Variants in WDHD1 observed in about 807,000 individuals in gnomAD.
WDHD1 encodes WD repeat and HMG-box DNA-binding protein 1.
Under a neutral mutation model 135.4 loss-of-function variants are expected in WDHD1, and 111 were observed. The ratio of observed to expected loss-of-function variants is 0.82; its 90% confidence interval spans 0.70 to 0.96. The LOEUF is 0.96. Among genes scored for constraint, WDHD1 ranks in the 40% least tolerant of loss-of-function variants. WDHD1 has a pLI of 0.00. For synonymous variants in WDHD1, 434 were observed against 439.0 expected (o/e 0.99, Z 0.14); for missense variants, 1,351 against 1,336.3 (o/e 1.01, Z -0.17).
At chr14:54,988,895 TTTG>T (rs1404256386) in intron 13 of WDHD1, 130 bp downstream of exon 13, 49 of 755,588 alleles carry the variant, frequency 6.5e-5, no homozygotes, top group Non-Finnish European at 9.4e-5. Context: ...TGTGCTGGTG[TTTG>T]TACCAAACTC....
At chr14:54,979,108 T>TG (rs2041576156) in intron 16 of WDHD1, among the ~76,000 whole-genome samples, 2 of 152,170 alleles carry the variant, frequency 1.3e-5, no homozygotes, top group African/African-American at 4.8e-5. Flanking sequence ...CTTCAAAGAC[T>TG]TTTTATCCTC....
At chr14:55,004,431 T>A (rs1420994997) in intron 7 of WDHD1, among the ~76,000 whole-genome samples, 1 of 152,170 alleles carries the variant, frequency 6.6e-6, no homozygotes, top group Non-Finnish European at 1.5e-5. Flanking sequence ...ACATGGACTT[T>A]CCCTTTTTTT....
At chr14:54,987,578 C>A (rs189011795) in intron 13 of WDHD1, among the ~76,000 whole-genome samples, 191 bp from the exon 14 acceptor site, 1 of 151,998 alleles carries the variant, frequency 6.6e-6, no homozygotes, top group East Asian at 1.9e-4. Context: ...ATCTTTCCAG[C>A]CTTTTTTCTT....
intron 10 of WDHD1, among the ~76,000 whole-genome samples, chr14:54,996,178 T>C (rs1421649839): frequency 6.6e-6 from 1 of 152,200 alleles, no homozygotes; most frequent in Non-Finnish European, 1.5e-5. Context: ...TGTAAGACAG[T>C]CTCTCATTTA....
intron 21 of WDHD1, among the ~76,000 whole-genome samples, chr14:54,958,683 C>T (rs1566710873): frequency 1.3e-5 from 2 of 152,314 alleles, no homozygotes; most frequent in East Asian, 3.9e-4. Context: ...TGAGATACTG[C>T]ATTCCCTGAC....
chr14:54,962,354 A>G, intron 21 of WDHD1, 144 bp downstream of exon 21: 2 of 693,904 alleles, frequency 2.9e-6, no homozygotes, highest in Non-Finnish European at 5.2e-6. Context: ...TTCACAAACA[A>G]CATCTGAGAT....
At chr14:54,981,054 T>C (rs999641179) in intron 16 of WDHD1, among the ~76,000 whole-genome samples, 9 of 152,114 alleles carry the variant, frequency 5.9e-5, no homozygotes, top group Non-Finnish European at 1.2e-4. Context: ...GAGCTTGCAG[T>C]GAGCTGAGAT....
intron 10 of WDHD1, among the ~76,000 whole-genome samples, chr14:54,999,538 A>G (rs2140212638): frequency 6.6e-6 from 1 of 152,308 alleles, no homozygotes; most frequent in Admixed American, 6.5e-5. Context: ...CAGTTTTAGA[A>G]TTCAACTTTT....
chr14:55,001,880 G>C (rs1434071494), intron 8 of WDHD1, among the ~76,000 whole-genome samples: 1 of 152,178 alleles, frequency 6.6e-6, no homozygotes, highest in Non-Finnish European at 1.5e-5. Context: ...CTAATACTAT[G>C]CAAGGGTTAA....
chr14:54,970,633 A>AAAAG (rs997073551), intron 16 of WDHD1, among the ~76,000 whole-genome samples: 3 of 151,304 alleles, frequency 2.0e-5, no homozygotes, highest in African/African-American at 7.3e-5. Flanking sequence ...AAAAAAAAAA[A>AAAAG]AAAGAAAGAA....
chr14:54,971,928 C>A (rs1595080585), intron 16 of WDHD1, among the ~76,000 whole-genome samples: 1 of 152,028 alleles, frequency 6.6e-6, no homozygotes, highest in East Asian at 1.9e-4. Context: ...GGGTCACACC[C>A]ATAATCCCAG....
intron 16 of WDHD1, among the ~76,000 whole-genome samples, chr14:54,967,708 C>T (rs1459307071): frequency 6.6e-6 from 1 of 152,046 alleles, no homozygotes; most frequent in Non-Finnish European, 1.5e-5. Context: ...GAAGCCCCAA[C>T]CTCCCAAGTT....
intron 2 of WDHD1, among the ~76,000 whole-genome samples, chr14:55,015,133 G>A (rs963769980): frequency 2.0e-5 from 3 of 152,090 alleles, no homozygotes; most frequent in Non-Finnish European, 4.4e-5. Context: ...GCATTGTCCA[G>A]GAATTTTCAC....
At chr14:54,942,145 G>C (rs2040849221) in intron 25 of WDHD1, among the ~76,000 whole-genome samples, 1 of 151,984 alleles carries the variant, frequency 6.6e-6, no homozygotes, top group South Asian at 2.1e-4. Flanking sequence ...CAGCTACTTG[G>C]GAGGCTGAGG....
At chr14:55,015,545 C>A (rs1175148856) in intron 2 of WDHD1, among the ~76,000 whole-genome samples, 2 of 152,090 alleles carry the variant, frequency 1.3e-5, no homozygotes, top group Non-Finnish European at 2.9e-5. Context: ...CCTACCCTTT[C>A]CTGATGCAAT....
intron 4 of WDHD1, 57 bp downstream of exon 4, chr14:55,010,252 A>C: frequency 1.4e-6 from 2 of 1,431,382 alleles, no homozygotes; most frequent in Non-Finnish European, 1.8e-6. Context: ...CCTGAAACAA[A>C]TAAACAAGGC....
chr14:55,026,877 G>T, intron 1 of WDHD1, 74 bp from the exon 2 acceptor site: 1 of 1,458,044 alleles, frequency 6.9e-7, no homozygotes, highest in Non-Finnish European at 9.6e-7. Flanking sequence ...TAGGAAGAGA[G>T]CTTAGTCTCC....
At chr14:54,999,764 C>T (rs1169108301) in intron 10 of WDHD1, among the ~76,000 whole-genome samples, 1 of 151,984 alleles carries the variant, frequency 6.6e-6, no homozygotes, top group African/African-American at 2.4e-5. Flanking sequence ...CCACACTTGC[C>T]TAATTTTTAT....
chr14:54,951,009 G>A (rs1375211393), intron 24 of WDHD1, among the ~76,000 whole-genome samples: 1 of 151,912 alleles, frequency 6.6e-6, no homozygotes, highest in Admixed American at 6.6e-5. Context: ...TGTGTAGAGG[G>A]AAATTTATAG....
Sources: gnomAD v4.1 joint callset for allele counts (sites outside exome capture counted in the v4.1 genomes callset) on GRCh38, gnomAD v4.1.1 for gene constraint, MANE v1.5 for transcripts, NCBI Gene and HGNC (gene_info 2026-07-23, HGNC 2026-07-21) for gene names.